The following PLEKHA6 variants were observed in gnomAD, a reference collection of about 807,000 sequenced individuals.
The protein encoded by PLEKHA6 is pleckstrin homology domain-containing family A member 6.
Under a neutral mutation model 116.7 loss-of-function variants are expected in PLEKHA6, and 60 were observed. The observed-to-expected ratio is 0.51, with a 90% CI of 0.42 to 0.64. PLEKHA6 has a LOEUF of 0.64. Among genes scored for constraint, PLEKHA6 ranks in the 30% least tolerant of loss-of-function variants. The pLI is 0.00. For missense variants in PLEKHA6, 1,338 were observed against 1,422.7 expected, an observed-to-expected ratio of 0.94 and a Z score of 0.96; for synonymous variants, 489 against 556.1, an observed-to-expected ratio of 0.88 and a Z score of 1.70.
intron 1 of PLEKHA6, among the ~76,000 whole-genome samples, chr1:204,278,190 C>T (rs926497095): frequency 1.6e-4 from 24 of 152,188 alleles, no homozygotes; most frequent in African/African-American, 5.5e-4. Context: ...AAGGGCCTTC[C>T]GAAGGTCATC....
intron 18 of PLEKHA6, among the ~76,000 whole-genome samples, chr1:204,229,493 A>T (rs1660862109): frequency 6.6e-6 from 1 of 152,228 alleles, no homozygotes; most frequent in South Asian, 2.1e-4. Flanking sequence ...AGCTCACTGC[A>T]GTCTCCAACT....
At chr1:204,313,677 T>C in intron 1 of PLEKHA6, 1 of 985,194 alleles carries the variant, frequency 1.0e-6, no homozygotes, top group Non-Finnish European at 1.2e-6. Flanking sequence ...CAGGTGGCTG[T>C]CTTTGAGATT....
At chr1:204,297,141 G>A in intron 1 of PLEKHA6, 3 of 981,770 alleles carry the variant, frequency 3.1e-6, no homozygotes, top group Non-Finnish European at 3.6e-6. Context: ...GATGGAGAAA[G>A]TCACTAACTA....
intron 1 of PLEKHA6, among the ~76,000 whole-genome samples, chr1:204,308,761 T>G (rs1216028816): frequency 7.2e-6 from 1 of 139,542 alleles, no homozygotes; most frequent in East Asian, 2.1e-4. Context: ...CAATCTTGGC[T>G]CACTGCAAGC....
At position 204,267,469 on chromosome 1, in the gene PLEKHA6, G is replaced by A. The variant is rs761678706; in HGVS notation, c.280+6C>T. The A allele has an allele frequency of 2.5e-6, 4 of 1,612,698 alleles. No homozygotes were observed. The highest frequency in any genetic ancestry group is 1.3e-5 in the African/African-American group (1 of 74,856). On this transcript the variant is annotated splice_donor_region_variant and intron_variant, in intron 5 of 22. Transcript: ENST00000272203. Reference sequence around the variant, plus strand: ...CCATCCCTGCCAGTCCAAGGGCCAAGCTCACCTTTATAGTAGAAGAGGCAG... The same window carrying A: ...CCATCCCTGCCAGTCCAAGGGCCAAACTCACCTTTATAGTAGAAGAGGCAG...
At chr1:204,370,860 C>T (rs1673760015) in intron 2 of PLEKHA6, among the ~76,000 whole-genome samples, 1 of 152,062 alleles carries the variant, frequency 6.6e-6, no homozygotes, top group African/African-American at 2.4e-5. Context: ...TTGAGACCAG[C>T]CTGGCCAACA....
intron 1 of PLEKHA6, among the ~76,000 whole-genome samples, chr1:204,281,901 A>C (rs1668660587): frequency 6.6e-6 from 1 of 152,080 alleles, no homozygotes; most frequent in Non-Finnish European, 1.5e-5. Flanking sequence ...CCGCACCCCC[A>C]GCCCCATCCC....
chr1:204,357,288 G>T (rs975578257), intron 1 of PLEKHA6, among the ~76,000 whole-genome samples: 1 of 152,148 alleles, frequency 6.6e-6, no homozygotes, highest in Admixed American at 6.5e-5. Context: ...GCTGAGGAAG[G>T]CTCATCTGGA....
intron 14 of PLEKHA6, 39 bp from the exon 15 acceptor site, chr1:204,245,042 G>C (rs376440636): frequency 7.3e-7 from 1 of 1,378,574 alleles, no homozygotes; most frequent in Admixed American, 3.3e-5. Context: ...AATGGAGGAG[G>C]GGTGCGGCCT....
chr1:204,276,809 CA>C (rs979761305), intron 1 of PLEKHA6, among the ~76,000 whole-genome samples: 1 of 152,146 alleles, frequency 6.6e-6, no homozygotes, highest in Non-Finnish European at 1.5e-5. Flanking sequence ...CCGGCACTAC[CA>C]ATTTCAAAAT....
chr1:204,366,429 A>T (rs1673648168), intron 3 of PLEKHA6, among the ~76,000 whole-genome samples: 1 of 152,188 alleles, frequency 6.6e-6, no homozygotes, highest in Non-Finnish European at 1.5e-5. Flanking sequence ...GAAAAAGAAG[A>T]AAAGAAAGAA....
At position 204,258,675 on chromosome 1, in the gene PLEKHA6, A is replaced by G. The variant is rs374264262; in HGVS notation, c.1007+583T>C. The stretch of plus-strand genomic sequence containing the variant: ...CTGCAGCCCATTTGCCCTGAGGGAC[A>G]CCATTGGGCCCAATAAATGTCCCCA... On this transcript the variant is annotated intron_variant, in intron 8 of 22. Transcript: ENST00000272203. Among the ~76,000 whole-genome samples the G allele has an allele frequency of 1.9e-3, 284 of 152,362 alleles. 1 individual carries two copies. The highest frequency in any genetic ancestry group is 0.016 in the South Asian group (76 of 4,822).
chr1:204,237,847 T>C (rs1390555687), intron 17 of PLEKHA6, among the ~76,000 whole-genome samples: 2 of 152,258 alleles, frequency 1.3e-5, no homozygotes, highest in Non-Finnish European at 2.9e-5. Flanking sequence ...GATGACCTTA[T>C]GCTGATTGGA....
Position 204,268,302 on chromosome 1 carries a change from G to A in PLEKHA6, c.113C>T (p.Thr38Ile), listed in dbSNP as rs773716668. The change falls in exon 4 of 23, where the codon ACA (threonine) becomes ATA (isoleucine). Residue 38 changes from threonine to isoleucine, a missense_variant. By Grantham distance (89) the Thr-to-Ile change is moderately conservative. Coordinates refer to ENST00000272203, the MANE Select transcript of PLEKHA6 (RefSeq NM_014935.5). The stretch of plus-strand genomic sequence containing the variant: ...GCCAAAGGCGACGGCTTTGCGGGCT[G>A]TGCGAGTTGCCTGGGGGCAGAGAGA... ...PERPSVRATR[T>I]ARKAVAFGKR... 2.5e-6 allele frequency: 4 copies of A among 1,607,062 alleles called. No homozygotes were observed. Among genetic ancestry groups the A allele is most frequent in the Admixed American group, 1.7e-5 (1 of 58,802 alleles).
chr1:204,337,241 C>G (rs571285955), intron 1 of PLEKHA6, among the ~76,000 whole-genome samples: 1 of 152,176 alleles, frequency 6.6e-6, no homozygotes, highest in Admixed American at 6.5e-5. Flanking sequence ...CCTAAACCAG[C>G]CAGCTCCTCC....
chr1:204,261,564 T>C lies in PLEKHA6; in HGVS notation c.382-116A>G, dbSNP rs1666122051. The C allele has an allele frequency of 8.6e-7, 1 of 1,167,118 alleles. No homozygotes were observed. Among genetic ancestry groups the C allele is most frequent in the Non-Finnish European group, 1.2e-6 (1 of 830,294 alleles). The allele number at this position is 1,167,118 out of a possible 1,614,324, so 72.3% of individuals were successfully genotyped here. On this transcript the variant is annotated intron_variant, in intron 6 of 22. Coordinates refer to ENST00000272203, the MANE Select transcript of PLEKHA6 (RefSeq NM_014935.5). This position sits in a 1 kb window ranked among gnomAD's most constrained non-coding sequence, Gnocchi z 4.0. ...ATGGGCAGTCAGTTGGGCCATTCCCTGCACCTGGGGCTCTTCCCCATGCGG... is the reference window on the plus strand; with the variant it reads ...ATGGGCAGTCAGTTGGGCCATTCCCCGCACCTGGGGCTCTTCCCCATGCGG...
chr1:204,362,009 G>C (rs533159636), upstream of PLEKHA6, among the ~76,000 whole-genome samples: 16 of 152,350 alleles, frequency 1.1e-4, no homozygotes, highest in Non-Finnish European at 1.5e-4. Context: ...CCGCAGACGA[G>C]TCCCACGGAT....
chr1:204,241,901 T>C, intron 15 of PLEKHA6, 87 bp from the exon 16 acceptor site: 3 of 1,421,936 alleles, frequency 2.1e-6, no homozygotes, highest in Non-Finnish European at 3.0e-6. Context: ...TTTTTAATGG[T>C]TGAAGCTCAA....
rs762245031 is a variant in PLEKHA6, at chr1:204,247,349, AG to A, written c.1920+15del. 1.4e-4 allele frequency: 220 copies of A among 1,541,440 alleles called. No homozygotes were observed. The highest frequency in any genetic ancestry group is 1.8e-4 in the Non-Finnish European group (202 of 1,114,690). Reference sequence around the variant, plus strand: ...GTCACATCCCAATCCCCGCCAGCTCAGGGGCCCTTCTTCACCTGGGTGTCCA... The same window carrying A: ...GTCACATCCCAATCCCCGCCAGCTCAGGGCCCTTCTTCACCTGGGTGTCCA... On this transcript the variant is annotated intron_variant, in intron 13 of 22. Transcript: ENST00000272203.
Sources: gnomAD v4.1 joint callset for allele counts (sites outside exome capture counted in the v4.1 genomes callset) on GRCh38, gnomAD v4.1.1 for gene constraint, Gnocchi (gnomAD v3.1) non-coding constraint, MANE v1.5 for transcripts, NCBI Gene and HGNC (gene_info 2026-07-23, HGNC 2026-07-21) for gene names.